Variants in PRKD3 observed in about 807,000 individuals in gnomAD.
PRKD3 encodes the protein serine/threonine-protein kinase D3.
A neutral mutation model predicts 99.2 loss-of-function variants in PRKD3; 47 were observed. The ratio of observed to expected loss-of-function variants is 0.47; its 90% CI spans 0.38 to 0.60. The LOEUF (loss-of-function observed/expected upper bound fraction) is 0.60, where lower values mean the gene tolerates loss of function less well. Among genes scored for constraint, PRKD3 ranks in the 20% least tolerant of loss-of-function variants. The pLI is 0.00. For missense variants in PRKD3, 1,019 were observed against 1,088.4 expected (o/e 0.94, Z 0.90); for synonymous variants, 392 against 355.4 (o/e 1.10, Z -1.16).
chr2:37,261,767 C>G (rs1407005205), intron 14 of PRKD3, among the ~76,000 whole-genome samples: 1 of 152,178 alleles, frequency 6.6e-6, no homozygotes. Flanking sequence ...GCAACAAGAG[C>G]AAAACTCTAT....
In PRKD3 at chr2:37,261,380, G is replaced by A. The variant is rs575401341; in HGVS notation, c.1885-996C>T. Among the ~76,000 whole-genome samples the A allele has an allele frequency of 2.4e-4, 37 of 152,292 alleles. 1 individual carries two copies. The highest frequency in any genetic ancestry group is 4.1e-4 in the Non-Finnish European group (28 of 68,018). ...CAGGTATCTGTAAACCCAGCTACTC[G>A]GGAGGCTGAGGCAGGAGAATCACTT... is the stretch of plus-strand genomic sequence containing the variant. On this transcript the variant is annotated intron_variant, in intron 14 of 18. Coordinates refer to ENST00000234179, the MANE Select transcript of PRKD3 (RefSeq NM_005813.6).
chr2:37,295,544 A>T (rs1350804016), intron 2 of PRKD3, among the ~76,000 whole-genome samples: 6 of 152,204 alleles, frequency 3.9e-5, no homozygotes, highest in Admixed American at 3.3e-4. Flanking sequence ...GCACCATACT[A>T]ACAAAGAAAC....
At position 37,261,817 on chromosome 2, in the gene PRKD3, A is replaced by G. The variant is rs542180287; in HGVS notation, c.1885-1433T>C. On this transcript the variant is annotated intron_variant, in intron 14 of 18. Transcript: ENST00000234179. Reference sequence around the variant, plus strand: ...AACCCAGACGGTCCCCAACTTAACAATGGTTCAACTTACAATTTTTCAACT... The same window carrying G: ...AACCCAGACGGTCCCCAACTTAACAGTGGTTCAACTTACAATTTTTCAACT... Among the ~76,000 whole-genome samples the G allele has an allele frequency of 5.1e-4, 77 of 152,212 alleles. No homozygotes were observed. In the South Asian group the frequency reaches 0.015, roughly 29 times the overall value.
chr2:37,250,780 AT>A lies in PRKD3; in HGVS notation c.*2396del, dbSNP rs1257448269. The A allele has an allele frequency of 2.6e-5, 4 of 152,572 alleles. No individual in the cohort carries two copies. The highest frequency in any genetic ancestry group is 1.9e-4 in the East Asian group (1 of 5,206). The allele number at this position is 152,572 out of a possible 1,614,324, so 9.5% of individuals were successfully genotyped here. ...CAAAAAGTTGGATATAACCAAAAAA[AT>A]ATTAAAAATGTACTGAACAGTCATT... On this transcript the variant is annotated 3_prime_UTR_variant, in exon 19 of 19. Coordinates refer to ENST00000234179, the MANE Select transcript of PRKD3 (RefSeq NM_005813.6).
In PRKD3 at chr2:37,316,717, A is replaced by G. The variant is rs1671680385; in HGVS notation, c.-193T>C. 2.1e-6 allele frequency: 3 copies of G among 1,415,578 alleles called. No individual in the cohort carries two copies. In the South Asian group the frequency reaches 4.7e-5, roughly 22 times the overall value. 87.7% of individuals were successfully genotyped at this position (1,415,578 alleles called of 1,614,324 possible). A position where few individuals can be genotyped will look rare whatever the true frequency, so the allele number is the denominator to read the frequency against. On this transcript the variant is annotated 5_prime_UTR_variant, in exon 2 of 19. Transcript: ENST00000234179. ...AGGAGTTGAATGCCCCAAAGGTCCT[A>G]TTTCTCTTAATATCAGTCCCATCAA...
intron 5 of PRKD3, 145 bp downstream of exon 5, chr2:37,289,211 C>CT: frequency 1.0e-6 from 1 of 987,750 alleles, no homozygotes; most frequent in Non-Finnish European, 1.4e-6. Flanking sequence ...TAAGTCCTGT[C>CT]TCCATTACTA....
chr2:37,276,190 G>C (rs1448885482), intron 9 of PRKD3, among the ~76,000 whole-genome samples: 1 of 151,928 alleles, frequency 6.6e-6, no homozygotes, highest in Non-Finnish European at 1.5e-5. Context: ...TATATTTCTA[G>C]AAGTTGATTT....
chr2:37,256,412 T>C (rs1667940540), intron 17 of PRKD3, among the ~76,000 whole-genome samples: 1 of 152,150 alleles, frequency 6.6e-6, no homozygotes, highest in African/African-American at 2.4e-5. Flanking sequence ...AAAGATATTT[T>C]AGTGGTTTGA....
At chr2:37,267,356 A>C in intron 14 of PRKD3, 74 bp downstream of exon 14, 1 of 1,100,710 alleles carries the variant, frequency 9.1e-7, no homozygotes, top group Non-Finnish European at 1.3e-6. Flanking sequence ...TAAAAAAAAA[A>C]AAAAAAGAGA....
In PRKD3 at chr2:37,278,002, T is replaced by A. The variant is rs772800208; in HGVS notation, c.1173-13A>T. The A allele has an allele frequency of 1.3e-6, 2 of 1,587,922 alleles. No individual in the cohort carries two copies. Among genetic ancestry groups the A allele is most frequent in the Non-Finnish European group, 8.6e-7 (1 of 1,162,978 alleles). Reference sequence around the variant, plus strand: ...GCTTGTTGATGGACTAAAAAATATTTAAAATTTGTAAGTTTGTGTAGATTT... The same window carrying A: ...GCTTGTTGATGGACTAAAAAATATTAAAAATTTGTAAGTTTGTGTAGATTT... On this transcript the variant is annotated splice_polypyrimidine_tract_variant and intron_variant, in intron 8 of 18. Transcript: ENST00000234179.
intron 2 of PRKD3, among the ~76,000 whole-genome samples, chr2:37,310,582 T>C (rs1231565140): frequency 2.0e-5 from 3 of 152,212 alleles, no homozygotes; most frequent in Non-Finnish European, 2.9e-5. Context: ...ACTGTGGCCA[T>C]GATATCTGGC....
chr2:37,256,358 G>C (rs954197838), intron 17 of PRKD3, among the ~76,000 whole-genome samples: 12 of 152,262 alleles, frequency 7.9e-5, no homozygotes, highest in African/African-American at 2.9e-4. Flanking sequence ...TGGCAGTAGT[G>C]ACTAGGAAGG....
At chr2:37,270,368 A>AC (rs1553369222) in intron 12 of PRKD3, among the ~76,000 whole-genome samples, 12 of 150,866 alleles carry the variant, frequency 8.0e-5, no homozygotes, top group Admixed American at 5.3e-4. Flanking sequence ...AAAAAAAAAA[A>AC]CTCAAAAGTT....
intron 2 of PRKD3, among the ~76,000 whole-genome samples, chr2:37,295,483 T>C (rs1670636564): frequency 6.6e-6 from 1 of 151,760 alleles, no homozygotes; most frequent in Admixed American, 6.6e-5. Context: ...AAGAATGAGA[T>C]GGGGGAAAGC....
Position 37,305,105 on chromosome 2 carries a change from G to GA in PRKD3, c.288+11131dup, listed in dbSNP as rs927090154. Among the ~76,000 whole-genome samples, 73 of 149,450 alleles carry GA rather than the reference G, an allele frequency of 4.9e-4. No individual in the cohort carries two copies. The East Asian group carries it at 5.3e-3, about 11-fold the overall frequency. ...ACAGCTGTAGTAGAAAGAATGGATA[G>GA]AAAAAAAAACAACATAGAATGACAA... On this transcript the variant is annotated intron_variant, in intron 2 of 18. Coordinates refer to ENST00000234179, the MANE Select transcript of PRKD3 (RefSeq NM_005813.6).
In PRKD3 at chr2:37,258,986, A is replaced by G. The variant is rs186039888; in HGVS notation, c.2145+597T>C. Among the ~76,000 whole-genome samples, 30 of 152,222 alleles carry G rather than the reference A, an allele frequency of 2.0e-4. No homozygotes were observed. In the East Asian group the frequency reaches 4.5e-3, roughly 23 times the overall value. ...ACTTATTTCTCAGGATGGTTGTTTC[A>G]GAATTTGGGTTATGATCCATTTCAT... On this transcript the variant is annotated intron_variant, in intron 16 of 18. Coordinates refer to ENST00000234179, the MANE Select transcript of PRKD3 (RefSeq NM_005813.6).
At chr2:37,255,066 C>T (rs937493738) in intron 17 of PRKD3, among the ~76,000 whole-genome samples, 8 of 152,186 alleles carry the variant, frequency 5.3e-5, no homozygotes. Context: ...CATCCTAGTT[C>T]TATTTCTTGT....
intron 2 of PRKD3, among the ~76,000 whole-genome samples, chr2:37,305,946 C>T (rs1426807237): frequency 6.6e-6 from 1 of 152,066 alleles, no homozygotes; most frequent in African/African-American, 2.4e-5. Flanking sequence ...AACTGAGGGT[C>T]AGAAGTAACT....
At chr2:37,294,282 A>G (rs1670577462) in intron 2 of PRKD3, among the ~76,000 whole-genome samples, 1 of 152,082 alleles carries the variant, frequency 6.6e-6, no homozygotes, top group Non-Finnish European at 1.5e-5. Flanking sequence ...TTCTGTAGAG[A>G]CAGGGGTCTC....
Sources: allele counts gnomAD v4.1 joint callset (sites outside exome capture counted in the v4.1 genomes callset), GRCh38; gene constraint gnomAD v4.1.1; transcripts MANE v1.5; gene names NCBI Gene and HGNC (gene_info 2026-07-23, HGNC 2026-07-21).